Variants in TAFA4 observed in about 807,000 individuals in gnomAD.
TAFA4 encodes the protein TAFA chemokine like family member 4.
In TAFA4, 20 loss-of-function variants were observed where a neutral mutation model predicts 21.1. The observed-to-expected ratio is 0.95, with a 90% CI of 0.67 to 1.38. TAFA4 has a LOEUF of 1.38. Among genes scored for constraint, TAFA4 ranks in the 40% most tolerant of loss-of-function variants. TAFA4 has a pLI of 0.00. For synonymous variants in TAFA4, 71 were observed against 67.4 expected (o/e 1.05, Z -0.26); for missense variants, 211 against 180.9 (o/e 1.17, Z -0.95).
chr3:68,795,444 C>A (rs973056858), intron 3 of TAFA4, among the ~76,000 whole-genome samples: 1 of 152,088 alleles, frequency 6.6e-6, no homozygotes, highest in South Asian at 2.1e-4. Context: ...CAACGCCTTG[C>A]ATTTACCCCT....
chr3:68,874,443 TTTA>T (rs2089523203), intron 3 of TAFA4, among the ~76,000 whole-genome samples: 1 of 152,158 alleles, frequency 6.6e-6, no homozygotes, highest in African/African-American at 2.4e-5. Flanking sequence ...TACCAATGAT[TTTA>T]TTTTCCTTAT....
At chr3:68,749,717 T>G (rs1702525974) in intron 4 of TAFA4, among the ~76,000 whole-genome samples, 1 of 152,170 alleles carries the variant, frequency 6.6e-6, no homozygotes, top group Non-Finnish European at 1.5e-5. Context: ...AAAGACACAA[T>G]CTCACCTTTC....
At chr3:68,900,274 TAATAATAAC>T (rs1429366049) in intron 1 of TAFA4, among the ~76,000 whole-genome samples, 11 of 42,002 alleles carry the variant, frequency 2.6e-4, no homozygotes, top group South Asian at 1.9e-3. Flanking sequence ...ATAATAATAA[TAATAATAAC>T]AATAATAATA....
At chr3:68,823,617 A>G (rs976735890) in intron 3 of TAFA4, among the ~76,000 whole-genome samples, 2 of 152,048 alleles carry the variant, frequency 1.3e-5, no homozygotes, top group Admixed American at 1.3e-4. Context: ...CCACCCTCCA[A>G]AAGGCCCCAG....
intron 3 of TAFA4, among the ~76,000 whole-genome samples, chr3:68,791,539 G>A (rs1420385538): frequency 6.6e-6 from 1 of 152,194 alleles, no homozygotes; most frequent in African/African-American, 2.4e-5. Flanking sequence ...CCACCCAGCT[G>A]TAGCACTTTG....
intron 3 of TAFA4, among the ~76,000 whole-genome samples, chr3:68,820,001 C>A (rs1259756920): frequency 6.6e-6 from 1 of 152,140 alleles, no homozygotes; most frequent in Non-Finnish European, 1.5e-5. Context: ...CATTGCAGCA[C>A]TATTCACAAT....
rs138970524 is a variant in TAFA4 at position 68,739,161 on chromosome 3, G to A, written c.325C>T (p.Pro109Ser). ...VIQKWWCHMN[P>S]CLEGEDCKVL... Reference sequence around the variant, plus strand: ...TTACAATCCTCTCCTTCCAAACACGGATTCATGTGACACCACCATTTCTGA... The same window carrying A: ...TTACAATCCTCTCCTTCCAAACACGAATTCATGTGACACCACCATTTCTGA... Residue 109 changes from proline (P) to serine (S), a missense_variant, in exon 5 of 6, where the codon CCG (proline) becomes TCG (serine). Physicochemically the swap from Pro to Ser is moderately conservative, Grantham distance 74. Coordinates refer to ENST00000295569, the MANE Select transcript of TAFA4 (RefSeq NM_182522.5). 3.1e-6 allele frequency: 5 copies of A among 1,613,934 alleles called. No homozygotes were observed. The highest frequency in any genetic ancestry group is 4.2e-6 in the Non-Finnish European group (5 of 1,179,890).
chr3:68,905,794 T>C (rs1466953366), intron 1 of TAFA4, among the ~76,000 whole-genome samples: 1 of 152,000 alleles, frequency 6.6e-6, no homozygotes, highest in African/African-American at 2.4e-5. Context: ...GGTCAGGGGG[T>C]AAACGTACCA....
chr3:68,884,891 C>A (rs1447403924), intron 2 of TAFA4, among the ~76,000 whole-genome samples: 1 of 152,188 alleles, frequency 6.6e-6, no homozygotes, highest in African/African-American at 2.4e-5. Flanking sequence ...AGAGAAATGC[C>A]AGGGCAGAGT....
At chr3:68,885,708 T>C in intron 1 of TAFA4, among the ~76,000 whole-genome samples, 1 of 152,158 alleles carries the variant, frequency 6.6e-6, no homozygotes, top group East Asian at 1.9e-4. Context: ...CATGGAGCAG[T>C]GGAAAAGCCA....
intron 1 of TAFA4, among the ~76,000 whole-genome samples, chr3:68,907,601 G>A (rs183521979): frequency 3.9e-4 from 60 of 152,300 alleles, no homozygotes; most frequent in Non-Finnish European, 7.5e-4. Context: ...CAAGATAGAG[G>A]AGATGCTTTC....
At position 68,841,693 on chromosome 3, in the gene TAFA4, C is replaced by A. The variant is rs538836015; in HGVS notation, c.130+39037G>T. The stretch of plus-strand genomic sequence containing the variant: ...GATATTTCTCCAATACTATCCCTCC[C>A]CTACCCCCCAACCCCCTGACAGGCC... On this transcript the variant is annotated intron_variant, in intron 3 of 5. Coordinates refer to ENST00000295569, the MANE Select transcript of TAFA4 (RefSeq NM_182522.5). Among the ~76,000 whole-genome samples the A allele has an allele frequency of 2.6e-5, 4 of 152,166 alleles. No homozygotes were observed. In the South Asian group the frequency reaches 8.3e-4, roughly 32 times the overall value.
At chr3:68,746,596 G>A (rs1428983296) in intron 4 of TAFA4, among the ~76,000 whole-genome samples, 2 of 152,164 alleles carry the variant, frequency 1.3e-5, no homozygotes, top group African/African-American at 4.8e-5. Flanking sequence ...TTCTTGTTAA[G>A]AAAAGAAGCC....
chr3:68,881,798 C>A (rs2089621605), intron 2 of TAFA4, among the ~76,000 whole-genome samples: 1 of 152,126 alleles, frequency 6.6e-6, no homozygotes, highest in Admixed American at 6.6e-5. Flanking sequence ...GGCTTCTTGC[C>A]TGAGTCACAC....
chr3:68,852,513 C>T (rs557680110), intron 3 of TAFA4, among the ~76,000 whole-genome samples: 5 of 152,104 alleles, frequency 3.3e-5, no homozygotes, highest in Non-Finnish European at 5.9e-5. Flanking sequence ...TTCAACAGTG[C>T]GTAAGGTGAT....
At chr3:68,763,869 T>TAC (rs147436920) in intron 3 of TAFA4, among the ~76,000 whole-genome samples, 4,751 of 147,326 alleles carry the variant, frequency 0.032, 98 homozygotes, top group African/African-American at 0.056. Context: ...TATGACAGAC[T>TAC]ACACACACAC....
At chr3:68,809,523 T>G in intron 3 of TAFA4, among the ~76,000 whole-genome samples, 1 of 33,578 alleles carries the variant, frequency 3.0e-5, no homozygotes, top group East Asian at 0.011. Context: ...ATGTTGATTT[T>G]TTTTTTTTTT....
At chr3:68,742,772 T>A (rs983431140) in intron 4 of TAFA4, among the ~76,000 whole-genome samples, 3 of 152,192 alleles carry the variant, frequency 2.0e-5, no homozygotes, top group Non-Finnish European at 4.4e-5. Flanking sequence ...ATGAAAAAAC[T>A]GAGGTCCAGG....
chr3:68,748,900 C>T (rs1290746028), intron 4 of TAFA4, among the ~76,000 whole-genome samples: 2 of 152,208 alleles, frequency 1.3e-5, no homozygotes, highest in African/African-American at 2.4e-5. Flanking sequence ...CCTTGTACTA[C>T]ACATTTGTCT....
Sources: allele counts gnomAD v4.1 joint callset (sites outside exome capture counted in the v4.1 genomes callset), GRCh38; gene constraint gnomAD v4.1.1; transcripts MANE v1.5; gene names NCBI Gene and HGNC (gene_info 2026-07-23, HGNC 2026-07-21).